The following LRRC38 variants were observed in gnomAD, a reference collection of about 807,000 sequenced individuals.
LRRC38 encodes the protein leucine rich repeat containing 38.
LRRC38 carries 5 observed loss-of-function variants against 16.4 expected under a neutral mutation model. That is an observed-to-expected ratio of 0.31 (90% CI 0.16 to 0.64). The LOEUF is 0.64. Among genes scored for constraint, LRRC38 ranks in the 30% least tolerant of loss-of-function variants. LRRC38 has a pLI of 0.80. For missense variants in LRRC38, 341 were observed against 401.8 expected (o/e 0.85, Z 1.29); for synonymous variants, 191 against 190.2 (o/e 1.00, Z -0.04).
At chr1:13,498,229 AAAAAC>A (rs939073058) in intron 1 of LRRC38, among the ~76,000 whole-genome samples, 8 of 145,242 alleles carry the variant, frequency 5.5e-5, no homozygotes, top group East Asian at 2.1e-4. Context: ...CCCCCAACCA[AAAAAC>A]AAAACAAAAC....
Position 13,513,474 on chromosome 1 carries a change from C to T in LRRC38, c.120G>A (p.Val40=). 6.5e-7 allele frequency: 1 copy of T among 1,544,266 alleles called. No individual in the cohort carries two copies. Among genetic ancestry groups the T allele is most frequent in the East Asian group, 2.5e-5 (1 of 40,750 alleles). ...TGGGCAGCCCGCGGTCGCGGCAGTCCACGGTGTGCGGGTCGGTGCAGGCGC... is the reference window on the plus strand; with the variant it reads ...TGGGCAGCCCGCGGTCGCGGCAGTCTACGGTGTGCGGGTCGGTGCAGGCGC... The part of the protein sequence containing the change: ...AGCACTDPHT[V]DCRDRGLPSV... The change falls in exon 1 of 2, where the codon GTG becomes GTA. Residue 40 remains valine, a synonymous_variant. Transcript: ENST00000376085.
At chr1:13,485,146 G>T (rs1235793531) in intron 1 of LRRC38, among the ~76,000 whole-genome samples, 1 of 152,064 alleles carries the variant, frequency 6.6e-6, no homozygotes, top group Admixed American at 6.6e-5. Flanking sequence ...GCGTGATGGC[G>T]CATGCCTGTA....
At chr1:13,483,523 G>T (rs1638893988) in intron 1 of LRRC38, among the ~76,000 whole-genome samples, 1 of 152,170 alleles carries the variant, frequency 6.6e-6, no homozygotes, top group South Asian at 2.1e-4. Flanking sequence ...AGCTGGAAAG[G>T]CTGGGAAGAT....
At chr1:13,491,100 G>T (rs1004228544) in intron 1 of LRRC38, among the ~76,000 whole-genome samples, 4 of 152,136 alleles carry the variant, frequency 2.6e-5, no homozygotes, top group Admixed American at 2.6e-4. Flanking sequence ...TCCGCTGGGG[G>T]TAATCTTGCC....
At chr1:13,501,005 C>T (rs796494998) in intron 1 of LRRC38, among the ~76,000 whole-genome samples, 3 of 152,006 alleles carry the variant, frequency 2.0e-5, no homozygotes, top group South Asian at 2.1e-4. Flanking sequence ...GATTACATGA[C>T]GTAATCCCTT....
intron 1 of LRRC38, among the ~76,000 whole-genome samples, chr1:13,498,565 A>C (rs1181165217): frequency 6.6e-6 from 1 of 152,226 alleles, no homozygotes; most frequent in African/African-American, 2.4e-5. Context: ...TGGGAGGCGG[A>C]GGTTGCAGTA....
At chr1:13,498,492 G>T (rs1311715747) in intron 1 of LRRC38, among the ~76,000 whole-genome samples, 1 of 151,982 alleles carries the variant, frequency 6.6e-6, no homozygotes, top group East Asian at 1.9e-4. Context: ...TTACCCAGGC[G>T]TGGTGGTGCA....
intron 1 of LRRC38, among the ~76,000 whole-genome samples, chr1:13,488,749 C>T (rs1427471547): frequency 1.3e-5 from 2 of 152,130 alleles, no homozygotes; most frequent in African/African-American, 4.8e-5. Context: ...GAGAGCTGAA[C>T]ATTGTATTAC....
chr1:13,482,969 G>A (rs899054659), intron 1 of LRRC38, among the ~76,000 whole-genome samples: 4 of 152,068 alleles, frequency 2.6e-5, no homozygotes, highest in Non-Finnish European at 5.9e-5. Flanking sequence ...TGACTTGCCC[G>A]GGGCCATGTA....
At chr1:13,492,937 C>T (rs1639033312) in intron 1 of LRRC38, among the ~76,000 whole-genome samples, 2 of 152,156 alleles carry the variant, frequency 1.3e-5, no homozygotes, top group South Asian at 2.1e-4. Flanking sequence ...AACCTCCGAC[C>T]ACGTGAGTCC....
intron 1 of LRRC38, among the ~76,000 whole-genome samples, chr1:13,482,579 C>CG (rs1553134756): frequency 2.8e-5 from 3 of 108,152 alleles, no homozygotes; most frequent in East Asian, 4.9e-4. Context: ...GACTCCATCT[C>CG]GGAAAAAAAA....
intron 1 of LRRC38, among the ~76,000 whole-genome samples, chr1:13,496,898 A>T (rs1056838640): frequency 1.3e-5 from 2 of 151,986 alleles, no homozygotes; most frequent in African/African-American, 4.8e-5. Context: ...GCCCAGGGAG[A>T]AGGTGGCATT....
intron 1 of LRRC38, among the ~76,000 whole-genome samples, chr1:13,497,484 T>C (rs1249442284): frequency 6.6e-6 from 1 of 152,078 alleles, no homozygotes. Flanking sequence ...CCACAAAATG[T>C]TCAGCAACAA....
rs147125591 is a variant in LRRC38, at chr1:13,487,922, A to G, written c.632-11823T>C. ...TATTTTTTTGTTTTCTTATCTCCAC[A>G]TATTAGGCAAAGCTCACATATATAC... is the stretch of plus-strand genomic sequence containing the variant. On this transcript the variant is annotated intron_variant, in intron 1 of 1. Transcript: ENST00000376085. The surrounding 1 kb of genome is among the most constrained non-coding windows in gnomAD (Gnocchi z 4.4). Among the ~76,000 whole-genome samples, 103 of 152,192 alleles carry G rather than the reference A, an allele frequency of 6.8e-4. No individual in the cohort carries two copies. Among genetic ancestry groups the G allele is most frequent in the African/African-American group, 2.3e-3 (97 of 41,524 alleles).
chr1:13,481,815 CTCTCT>C (rs1265810478), intron 1 of LRRC38, among the ~76,000 whole-genome samples: 7 of 143,978 alleles, frequency 4.9e-5, no homozygotes, highest in East Asian at 2.1e-4. Context: ...CTCTCTCTCT[CTCTCT>C]CTCTCTGCCA....
rs753789755 is a variant in LRRC38 at position 13,513,027 on chromosome 1, C to T, written c.567G>A (p.Leu189=). 1 of 1,549,930 alleles carries T rather than the reference C, an allele frequency of 6.5e-7. No homozygotes were observed. Among genetic ancestry groups the T allele is most frequent in the South Asian group, 1.2e-5 (1 of 83,978 alleles). ...RSLRLDGNPW[L]CDCDFAHLFS... ...AGAGGTGGGCGAAGTCACAGTCGCACAGCCAGGGGTTCCCGTCCAGACGCA... is the reference window on the plus strand; with the variant it reads ...AGAGGTGGGCGAAGTCACAGTCGCATAGCCAGGGGTTCCCGTCCAGACGCA... The change falls in exon 1 of 2, where the codon CTG becomes CTA. Residue 189 remains leucine (L), a synonymous_variant. Coordinates refer to ENST00000376085, the MANE Select transcript of LRRC38 (RefSeq NM_001010847.2).
intron 1 of LRRC38, among the ~76,000 whole-genome samples, chr1:13,504,252 A>T (rs1303691650): frequency 6.6e-6 from 1 of 152,174 alleles, no homozygotes; most frequent in Admixed American, 6.5e-5. Flanking sequence ...ACTGAGGACC[A>T]GGAACATCAG....
At chr1:13,483,198 C>T (rs1025963748) in intron 1 of LRRC38, among the ~76,000 whole-genome samples, 8 of 151,926 alleles carry the variant, frequency 5.3e-5, no homozygotes, top group African/African-American at 1.7e-4. Flanking sequence ...GTAGCCCAGG[C>T]TGGAGTGCAG....
intron 1 of LRRC38, among the ~76,000 whole-genome samples, chr1:13,489,383 G>GAAGATAT (rs1638980340): frequency 6.6e-6 from 1 of 152,200 alleles, no homozygotes. Flanking sequence ...TGGTTTCACA[G>GAAGATAT]CATCATAGAA....
Sources: allele counts gnomAD v4.1 joint callset (sites outside exome capture counted in the v4.1 genomes callset), GRCh38; gene constraint gnomAD v4.1.1; non-coding constraint Gnocchi (gnomAD v3.1); transcripts MANE v1.5; gene names NCBI Gene and HGNC (gene_info 2026-07-23, HGNC 2026-07-21).